SLC36A1: variants seen among roughly 807,000 people sequenced by gnomAD.
The protein encoded by SLC36A1 is proton-coupled amino acid transporter 1.
A neutral mutation model predicts 47.5 loss-of-function variants in SLC36A1; 30 were observed. The ratio of observed to expected loss-of-function variants is 0.63; its 90% CI spans 0.47 to 0.86. The LOEUF (loss-of-function observed/expected upper bound fraction) is 0.86, where lower values mean the gene tolerates loss of function less well. Among genes scored for constraint, SLC36A1 ranks in the 40% least tolerant of loss-of-function variants. The pLI is 0.00. For missense variants in SLC36A1, 517 were observed against 606.0 expected (o/e 0.85, Z 1.54); for synonymous variants, 255 against 249.7 (o/e 1.02, Z -0.20).
chr5:151,467,171 T>C (rs1330454469), intron 5 of SLC36A1, 28 bp from the exon 6 acceptor site: 2 of 1,546,880 alleles, frequency 1.3e-6, no homozygotes, highest in South Asian at 2.3e-5. Context: ...TGTAACAGTC[T>C]TTGTATTCCT....
chr5:151,365,597 A>G, the SLC36A1 span, among the ~76,000 whole-genome samples: 3 of 152,232 alleles, frequency 2.0e-5, no homozygotes, highest in Admixed American at 1.3e-4. Context: ...ACTGAGGCTC[A>G]GAGAGGAAAA....
intron 4 of SLC36A1, 29 bp from the exon 5 acceptor site, chr5:151,465,044 TG>T (rs750642068): frequency 5.8e-6 from 9 of 1,549,866 alleles, no homozygotes; most frequent in African/African-American, 5.4e-5. Context: ...CCACGTGCTC[TG>T]TCCTTCCTCT....
chr5:151,531,582 C>G, the SLC36A1 span: 8 of 1,612,124 alleles, frequency 5.0e-6, no homozygotes, highest in East Asian at 8.9e-5. The surrounding 1 kb of genome is among the most constrained non-coding windows in gnomAD (Gnocchi z 5.7). Flanking sequence ...GGATCAGGCT[C>G]TCACCTGTGC....
chr5:151,366,212 T>G, the SLC36A1 span, among the ~76,000 whole-genome samples: 83 of 152,298 alleles, frequency 5.4e-4, no homozygotes, highest in Non-Finnish European at 8.2e-4. Flanking sequence ...GGGTAAATGG[T>G]AGATCTCAGG....
the SLC36A1 span, chr5:151,540,512 T>C: frequency 7.1e-7 from 1 of 1,410,322 alleles, no homozygotes; most frequent in Non-Finnish European, 9.7e-7. Context: ...CTCCCACCCC[T>C]CACTCTTATC....
At chr5:151,534,364 A>T in the SLC36A1 span, 1 of 1,485,360 alleles carries the variant, frequency 6.7e-7, no homozygotes. Context: ...GCCCAAGGTG[A>T]CCCAGGAGAT....
At chr5:151,496,782 C>G (rs1036531190), downstream of SLC36A1, among the ~76,000 whole-genome samples, 2 of 152,232 alleles carry the variant, frequency 1.3e-5, no homozygotes, top group African/African-American at 4.8e-5. Flanking sequence ...TCTTGAACTT[C>G]TGACCTAGGT....
chr5:151,372,138 A>G, the SLC36A1 span, among the ~76,000 whole-genome samples: 1 of 152,174 alleles, frequency 6.6e-6, no homozygotes, highest in African/African-American at 2.4e-5. Context: ...TTCCAAAACT[A>G]CAAGCTTCTA....
At chr5:151,550,028 T>C in the SLC36A1 span, among the ~76,000 whole-genome samples, 1 of 152,082 alleles carries the variant, frequency 6.6e-6, no homozygotes, top group African/African-American at 2.4e-5. Flanking sequence ...TGTATGACAG[T>C]GAGGAAGTCT....
At chr5:151,532,110 A>AG in the SLC36A1 span, 3 of 1,117,134 alleles carry the variant, frequency 2.7e-6, no homozygotes, top group South Asian at 4.6e-5. Flanking sequence ...ATGAAGAGTG[A>AG]GGGTCTCTCC....
intron 9 of SLC36A1, among the ~76,000 whole-genome samples, chr5:151,478,727 G>A (rs535210169): frequency 6.6e-6 from 1 of 152,272 alleles, no homozygotes; most frequent in Non-Finnish European, 1.5e-5. Flanking sequence ...TCCCATTTCA[G>A]AGGCAACCAT....
the SLC36A1 span, among the ~76,000 whole-genome samples, chr5:151,423,593 T>C: frequency 6.6e-6 from 1 of 152,180 alleles, no homozygotes; most frequent in South Asian, 2.1e-4. Flanking sequence ...GTCAAAGCTA[T>C]GGAGACAGTA....
At chr5:151,550,692 T>A in the SLC36A1 span, 1 of 1,614,222 alleles carries the variant, frequency 6.2e-7, no homozygotes, top group Non-Finnish European at 8.5e-7. Context: ...GGCTGGCACT[T>A]CCTGGGTCTT....
the SLC36A1 span, chr5:151,419,947 G>C: frequency 3.9e-5 from 6 of 152,282 alleles, no homozygotes; most frequent in African/African-American, 1.4e-4. Context: ...CTCTAGCACT[G>C]CATTGCAGTA....
In SLC36A1 at chr5:151,489,452, C is replaced by G. The variant is rs1239573892; in HGVS notation, c.*1198C>G. 1 of 152,638 alleles carries G rather than the reference C, an allele frequency of 6.6e-6. No individual in the cohort carries two copies. The highest frequency in any genetic ancestry group is 1.5e-5 in the Non-Finnish European group (1 of 68,056). The allele number at this position is 152,638 out of a possible 1,614,324, so 9.5% of individuals were successfully genotyped here. A position where few individuals can be genotyped will look rare whatever the true frequency, so the allele number is the denominator to read the frequency against. On this transcript the variant is annotated 3_prime_UTR_variant, in exon 11 of 11. Transcript: ENST00000243389. This position sits in a 1 kb window ranked among gnomAD's most constrained non-coding sequence, Gnocchi z 4.5. ...GTTAATAGACTTTACAGCAGCTGGT[C>G]TGACACTACGCGCAGTGCTCGGTTG...
chr5:151,521,790 G>T, the SLC36A1 span: 1 of 1,614,178 alleles, frequency 6.2e-7, no homozygotes, highest in Admixed American at 1.7e-5. Flanking sequence ...TGACCGTGAC[G>T]TTGAACGAGT....
chr5:151,499,672 C>G, the SLC36A1 span, among the ~76,000 whole-genome samples: 2 of 152,180 alleles, frequency 1.3e-5, no homozygotes, highest in Non-Finnish European at 2.9e-5. Context: ...GAGCACTGCC[C>G]TGATGCCTGG....
chr5:151,368,573 T>C, the SLC36A1 span, among the ~76,000 whole-genome samples: 2 of 152,188 alleles, frequency 1.3e-5, no homozygotes, highest in Non-Finnish European at 2.9e-5. Flanking sequence ...GACCCCAAAC[T>C]TCACTGGATA....
chr5:151,479,242 T>A (rs371819475), intron 9 of SLC36A1, 78 bp from the exon 10 acceptor site: 4 of 1,485,602 alleles, frequency 2.7e-6, no homozygotes, highest in Non-Finnish European at 9.2e-7. Context: ...CAAATCGCAA[T>A]GGGACCATTT....
Sources: gnomAD v4.1 joint callset for allele counts (sites outside exome capture counted in the v4.1 genomes callset) on GRCh38, gnomAD v4.1.1 for gene constraint, Gnocchi (gnomAD v3.1) non-coding constraint, MANE v1.5 for transcripts, NCBI Gene and HGNC (gene_info 2026-07-23, HGNC 2026-07-21) for gene names.